PFDN1: variants seen among roughly 807,000 people sequenced by gnomAD.
PFDN1 encodes the protein prefoldin 1.
In PFDN1, 6 loss-of-function variants were observed where a neutral mutation model predicts 17.3. The observed-to-expected ratio is 0.35, with a 90% CI of 0.19 to 0.69. The LOEUF (loss-of-function observed/expected upper bound fraction) is 0.69, where lower values mean the gene tolerates loss of function less well. Among genes scored for constraint, PFDN1 ranks in the 30% least tolerant of loss-of-function variants. PFDN1 has a pLI of 0.65. For missense variants in PFDN1, 113 were observed against 146.2 expected (o/e 0.77, Z 1.17); for synonymous variants, 58 against 50.1 (o/e 1.16, Z -0.67).
intron 2 of PFDN1, among the ~76,000 whole-genome samples, chr5:140,296,710 T>C (rs975139874): frequency 6.6e-6 from 1 of 152,206 alleles, no homozygotes; most frequent in Admixed American, 6.5e-5. Context: ...CTAGTACATG[T>C]GCTACTACTC....
chr5:140,247,198 G>A (rs190886510), intron 3 of PFDN1, among the ~76,000 whole-genome samples: 49 of 152,048 alleles, frequency 3.2e-4, no homozygotes, highest in Non-Finnish European at 5.3e-4. Flanking sequence ...GTGCAATCAC[G>A]GTTCACTGTA....
At chr5:140,288,087 G>A (rs1765524282) in intron 2 of PFDN1, among the ~76,000 whole-genome samples, 1 of 152,214 alleles carries the variant, frequency 6.6e-6, no homozygotes, top group Non-Finnish European at 1.5e-5. Flanking sequence ...CAAATGAGTT[G>A]AAAACTTCCA....
intron 3 of PFDN1, among the ~76,000 whole-genome samples, chr5:140,270,691 C>A (rs761130918): frequency 6.6e-6 from 1 of 152,014 alleles, no homozygotes; most frequent in Non-Finnish European, 1.5e-5. Context: ...TTTGGGAGGC[C>A]GAGGCGGGCG....
chr5:140,249,890 C>T (rs1366790872), intron 3 of PFDN1, among the ~76,000 whole-genome samples: 1 of 152,198 alleles, frequency 6.6e-6, no homozygotes, highest in Non-Finnish European at 1.5e-5. Context: ...CCACCAGGCC[C>T]CACCTTCAAC....
At chr5:140,253,022 T>C (rs1466821298) in intron 3 of PFDN1, among the ~76,000 whole-genome samples, 4 of 152,212 alleles carry the variant, frequency 2.6e-5, no homozygotes, top group African/African-American at 4.8e-5. Flanking sequence ...CTAGGCGATA[T>C]GGTAACCACT....
intron 2 of PFDN1, among the ~76,000 whole-genome samples, chr5:140,292,343 G>C (rs1765592589): frequency 6.6e-6 from 1 of 152,118 alleles, no homozygotes; most frequent in South Asian, 2.1e-4. Flanking sequence ...TACAAAAGCA[G>C]AATGTCATAG....
At position 140,245,908 on chromosome 5, in the gene PFDN1, G is replaced by T; in HGVS notation, c.*66C>A. 2.2e-6 allele frequency: 2 copies of T among 889,310 alleles called. No homozygotes were observed. Among genetic ancestry groups the T allele is most frequent in the Non-Finnish European group, 1.8e-6 (1 of 545,212 alleles). 55.1% of individuals were successfully genotyped at this position (889,310 alleles called of 1,614,324 possible). A position where few individuals can be genotyped will look rare whatever the true frequency, so the allele number is the denominator to read the frequency against. ...GGGGCAGAGGAGAAGCTGTTTCCCT[G>T]CAGACACTCCTCTGCCCCCACCAGG... On this transcript the variant is annotated 3_prime_UTR_variant, in exon 4 of 4. Transcript: ENST00000261813.
chr5:140,252,898 G>A (rs1319531250), intron 3 of PFDN1, among the ~76,000 whole-genome samples: 1 of 152,218 alleles, frequency 6.6e-6, no homozygotes, highest in Non-Finnish European at 1.5e-5. Flanking sequence ...GGATGGGTGA[G>A]GAGGGCCAAC....
At chr5:140,246,713 GAACTT>G (rs1381257310) in intron 3 of PFDN1, among the ~76,000 whole-genome samples, 1 of 152,152 alleles carries the variant, frequency 6.6e-6, no homozygotes, top group African/African-American at 2.4e-5. Flanking sequence ...CTTAGACAAA[GAACTT>G]TCACTACTTT....
chr5:140,301,606 T>C (rs1214569083), intron 1 of PFDN1, among the ~76,000 whole-genome samples: 1 of 152,228 alleles, frequency 6.6e-6, no homozygotes, highest in African/African-American at 2.4e-5. Context: ...AAAAGGACCC[T>C]GTAAAAACAT....
At chr5:140,262,622 T>C in intron 3 of PFDN1, 1 of 453,164 alleles carries the variant, frequency 2.2e-6, no homozygotes, top group South Asian at 1.6e-5. Context: ...TGTTGAAAGA[T>C]ATAAACAACA....
chr5:140,264,654 T>C (rs1383388313), intron 3 of PFDN1, among the ~76,000 whole-genome samples: 11 of 151,350 alleles, frequency 7.3e-5, no homozygotes, highest in African/African-American at 2.7e-4. Flanking sequence ...CTGGGCAACA[T>C]AGGGAGACCC....
chr5:140,280,149 C>T (rs1765378709), intron 3 of PFDN1, among the ~76,000 whole-genome samples: 2 of 151,902 alleles, frequency 1.3e-5, no homozygotes, highest in South Asian at 4.2e-4. Context: ...AATATTCATA[C>T]ACAAATGTTT....
At chr5:140,273,748 G>T (rs1246326995) in intron 3 of PFDN1, 1 of 198,026 alleles carries the variant, frequency 5.0e-6, no homozygotes, top group East Asian at 1.9e-4. Context: ...CGCTAAGCAC[G>T]CCAGACTGTC....
chr5:140,290,850 C>A (rs534113459), intron 2 of PFDN1, among the ~76,000 whole-genome samples: 1 of 152,104 alleles, frequency 6.6e-6, no homozygotes, highest in East Asian at 1.9e-4. Context: ...ACATCTGATA[C>A]CATAGAGGGT....
chr5:140,284,724 G>C (rs1445619432), intron 2 of PFDN1, among the ~76,000 whole-genome samples: 1 of 152,184 alleles, frequency 6.6e-6, no homozygotes, highest in Admixed American at 6.5e-5. Flanking sequence ...ATAATATGCA[G>C]ATAACATGCT....
chr5:140,245,964 G>C lies in PFDN1; in HGVS notation c.*10C>G, dbSNP rs992615822. Reference sequence around the variant, plus strand: ...GAGGGGCAGGAGGAAGAGCTTCCCAGAGAGGCTCCCTACTGGGCCCTTCGT... The same window carrying C: ...GAGGGGCAGGAGGAAGAGCTTCCCACAGAGGCTCCCTACTGGGCCCTTCGT... On this transcript the variant is annotated 3_prime_UTR_variant, in exon 4 of 4. Transcript: ENST00000261813. 3.3e-6 allele frequency: 5 copies of C among 1,521,582 alleles called. No homozygotes were observed. In the African/African-American group the frequency reaches 6.9e-5, roughly 21 times the overall value. 94.3% of individuals were successfully genotyped at this position (1,521,582 alleles called of 1,614,324 possible).
At chr5:140,256,620 C>T (rs1449671482) in intron 3 of PFDN1, among the ~76,000 whole-genome samples, 3 of 135,800 alleles carry the variant, frequency 2.2e-5, no homozygotes, top group Non-Finnish European at 4.6e-5. Flanking sequence ...CAGTGAATGG[C>T]ACTCATCCAA....
At chr5:140,261,160 T>G (rs1765059106) in intron 3 of PFDN1, among the ~76,000 whole-genome samples, 1 of 88,778 alleles carries the variant, frequency 1.1e-5, no homozygotes, top group Non-Finnish European at 2.1e-5. Context: ...AGACTCCATC[T>G]CAAAAAAAAA....
Sources: allele counts gnomAD v4.1 joint callset (sites outside exome capture counted in the v4.1 genomes callset), GRCh38; gene constraint gnomAD v4.1.1; transcripts MANE v1.5; gene names NCBI Gene and HGNC (gene_info 2026-07-23, HGNC 2026-07-21).